Variants in SOX5 observed in about 807,000 individuals in gnomAD.
SOX5 encodes SRY-box transcription factor 5.
A neutral mutation model predicts 92.0 loss-of-function variants in SOX5; 9 were observed. The ratio of observed to expected loss-of-function variants is 0.10; its 90% CI spans 0.06 to 0.17. The LOEUF is 0.17. Among genes scored for constraint, SOX5 ranks in the 10% least tolerant of loss-of-function variants. The probability of loss-of-function intolerance (pLI) is 1.00; values close to 1 mark genes in which losing one functional copy is unlikely to be tolerated. For synonymous variants in SOX5, 344 were observed against 336.3 expected, an observed-to-expected ratio of 1.02 and a Z score of -0.25; for missense variants, 642 against 944.5, an observed-to-expected ratio of 0.68 and a Z score of 4.20.
rs117466688 is a variant in SOX5 at position 23,574,374 on chromosome 12, T to A, written c.1342+1287A>T. 2.9e-3 allele frequency among the ~76,000 whole-genome samples: 449 copies of A among 152,280 alleles called. 2 individuals carry two copies. Among genetic ancestry groups the A allele is most frequent in the Non-Finnish European group, 4.8e-3 (329 of 68,006 alleles). On this transcript the variant is annotated intron_variant, in intron 10 of 14. Coordinates refer to ENST00000451604, the MANE Select transcript of SOX5 (RefSeq NM_006940.6). ...GCTGCAAATTCAACACATATTACAT[T>A]TTTATTTCTTCTCCCAAACCTGCTC...
intron 6 of SOX5, among the ~76,000 whole-genome samples, chr12:23,715,385 C>A (rs914262416): frequency 2.0e-5 from 3 of 152,080 alleles, no homozygotes; most frequent in Non-Finnish European, 4.4e-5. Flanking sequence ...TGAGTTTCAT[C>A]ATTTCACACC....
At chr12:23,557,417 T>C (rs1479369968) in intron 11 of SOX5, among the ~76,000 whole-genome samples, 2 of 152,218 alleles carry the variant, frequency 1.3e-5, no homozygotes, top group Non-Finnish European at 2.9e-5. Context: ...ATGCATTATA[T>C]GTTTATATTC....
chr12:24,505,187 A>C (rs1299930990), intron 1 of SOX5, among the ~76,000 whole-genome samples: 4 of 152,240 alleles, frequency 2.6e-5, no homozygotes, highest in African/African-American at 9.6e-5. Flanking sequence ...TTCAGAAATA[A>C]TGGCTCAATC....
intron 4 of SOX5, among the ~76,000 whole-genome samples, chr12:24,131,443 C>T (rs567410985): frequency 6.6e-6 from 1 of 152,114 alleles, no homozygotes; most frequent in Non-Finnish European, 1.5e-5. Flanking sequence ...GAATATAGTA[C>T]GGCATCTATC....
intron 9 of SOX5, among the ~76,000 whole-genome samples, chr12:23,600,419 A>T (rs569069205): frequency 6.8e-4 from 103 of 151,078 alleles, no homozygotes; most frequent in African/African-American, 2.5e-3. Flanking sequence ...ATGAGTATTT[A>T]GAAAAATTTT....
chr12:23,634,890 T>C (rs1045897461), intron 8 of SOX5, among the ~76,000 whole-genome samples: 52 of 152,216 alleles, frequency 3.4e-4, no homozygotes, highest in South Asian at 8.3e-4. Context: ...GCAAAATAGA[T>C]GAATAATTTA....
intron 3 of SOX5, among the ~76,000 whole-genome samples, chr12:23,793,088 A>T (rs182953325): frequency 6.6e-6 from 1 of 152,292 alleles, no homozygotes; most frequent in Admixed American, 6.5e-5. Context: ...TCACCTAAGG[A>T]TTTTCGAACT....
intron 4 of SOX5, among the ~76,000 whole-genome samples, chr12:24,039,136 T>G (rs954287916): frequency 2.6e-5 from 4 of 151,930 alleles, no homozygotes; most frequent in African/African-American, 9.7e-5. Context: ...AATACTAAAG[T>G]AAAAAAATGT....
intron 2 of SOX5, among the ~76,000 whole-genome samples, chr12:24,366,682 A>G (rs1185518453): frequency 1.3e-5 from 2 of 152,108 alleles, no homozygotes; most frequent in Admixed American, 6.5e-5. Flanking sequence ...CAGTGTAACT[A>G]TTACTGGCTT....
At chr12:23,614,963 A>G (rs938673865) in intron 8 of SOX5, among the ~76,000 whole-genome samples, 1 of 151,738 alleles carries the variant, frequency 6.6e-6, no homozygotes, top group African/African-American at 2.4e-5. Flanking sequence ...CACCGCGCCC[A>G]GCTAATTTTT....
intron 4 of SOX5, among the ~76,000 whole-genome samples, chr12:24,087,219 A>G (rs933794255): frequency 1.3e-5 from 2 of 152,026 alleles, no homozygotes; most frequent in African/African-American, 2.4e-5. Flanking sequence ...AATGGTAATA[A>G]TAATCCTAAT....
At chr12:23,582,523 T>A (rs1950188520) in intron 9 of SOX5, among the ~76,000 whole-genome samples, 1 of 152,086 alleles carries the variant, frequency 6.6e-6, no homozygotes, top group Non-Finnish European at 1.5e-5. Context: ...ATCAAGTCTA[T>A]CATCTTACAT....
chr12:24,116,749 TAG>T (rs1262281974), intron 4 of SOX5, among the ~76,000 whole-genome samples: 1 of 152,144 alleles, frequency 6.6e-6, no homozygotes, highest in African/African-American at 2.4e-5. Flanking sequence ...AGAAATGCCA[TAG>T]GGCTTATGGA....
At chr12:23,998,648 A>C (rs1487089213) in intron 4 of SOX5, among the ~76,000 whole-genome samples, 1 of 151,732 alleles carries the variant, frequency 6.6e-6, no homozygotes, top group Non-Finnish European at 1.5e-5. Context: ...ACTAAAATAC[A>C]AAAATTAGCC....
intron 3 of SOX5, among the ~76,000 whole-genome samples, chr12:23,832,172 A>T (rs559237666): frequency 6.6e-6 from 1 of 152,138 alleles, no homozygotes; most frequent in South Asian, 2.1e-4. Flanking sequence ...CACAAATCCA[A>T]TGTTAAAACT....
intron 1 of SOX5, among the ~76,000 whole-genome samples, chr12:23,905,843 C>T (rs959347166): frequency 3.9e-5 from 6 of 152,032 alleles, no homozygotes; most frequent in South Asian, 2.1e-4. Context: ...GTAATAAGCA[C>T]GTTCTACTAA....
intron 1 of SOX5, among the ~76,000 whole-genome samples, chr12:24,523,742 T>A (rs1437896783): frequency 6.6e-6 from 1 of 151,914 alleles, no homozygotes; most frequent in African/African-American, 2.4e-5. Flanking sequence ...AAAAATCAAC[T>A]CAAAATGGCA....
intron 7 of SOX5, among the ~76,000 whole-genome samples, chr12:23,650,887 A>G (rs2081474407): frequency 6.6e-6 from 1 of 152,130 alleles, no homozygotes; most frequent in African/African-American, 2.4e-5. Context: ...GTGGCAAGGC[A>G]TAGAACGATT....
At chr12:24,038,289 G>A (rs1956230370) in intron 4 of SOX5, among the ~76,000 whole-genome samples, 1 of 152,146 alleles carries the variant, frequency 6.6e-6, no homozygotes, top group Non-Finnish European at 1.5e-5. Context: ...CACTGGCCCT[G>A]CAAACTCATC....
Sources: gnomAD v4.1 joint callset for allele counts (sites outside exome capture counted in the v4.1 genomes callset) on GRCh38, gnomAD v4.1.1 for gene constraint, MANE v1.5 for transcripts, NCBI Gene and HGNC (gene_info 2026-07-23, HGNC 2026-07-21) for gene names.